ARHGAP25: variants seen among roughly 807,000 people sequenced by gnomAD.
ARHGAP25 encodes the protein Rho GTPase activating protein 25.
ARHGAP25 carries 34 observed loss-of-function variants against 71.0 expected under a neutral mutation model. The observed-to-expected ratio is 0.48, with a 90% CI of 0.36 to 0.64. The LOEUF is 0.64. Ranked by LOEUF, ARHGAP25 falls within the 30% of genes least tolerant of loss-of-function variation. The pLI is 0.00. For missense variants in ARHGAP25, 706 were observed against 805.1 expected, an observed-to-expected ratio of 0.88 and a Z score of 1.49; for synonymous variants, 282 against 296.5, an observed-to-expected ratio of 0.95 and a Z score of 0.50.
intron 1 of ARHGAP25, among the ~76,000 whole-genome samples, chr2:68,758,874 G>A (rs535835496): frequency 3.9e-5 from 6 of 151,912 alleles, no homozygotes; most frequent in Admixed American, 6.5e-5. Flanking sequence ...AGTCTCAATC[G>A]ATTTTAAAAG....
intron 1 of ARHGAP25, among the ~76,000 whole-genome samples, chr2:68,752,035 A>G (rs1466361187): frequency 1.3e-5 from 2 of 152,170 alleles, no homozygotes; most frequent in Admixed American, 6.5e-5. Flanking sequence ...CGCGACCACG[A>G]ATAGTTGATT....
upstream of ARHGAP25, among the ~76,000 whole-genome samples, chr2:68,733,843 G>A (rs879585968): frequency 1.1e-4 from 16 of 152,236 alleles, no homozygotes; most frequent in Admixed American, 9.2e-4. Context: ...AGCAGTGACT[G>A]TTCTGAGCAC....
chr2:68,721,734 G>T (rs1674767709), intron 2 of ARHGAP25, among the ~76,000 whole-genome samples: 1 of 152,218 alleles, frequency 6.6e-6, no homozygotes, highest in Non-Finnish European at 1.5e-5. Flanking sequence ...AGCAGTCCAG[G>T]TTTGTCTTAA....
chr2:68,720,530 C>A (rs956055892), intron 2 of ARHGAP25, among the ~76,000 whole-genome samples: 2 of 152,060 alleles, frequency 1.3e-5, no homozygotes, highest in Non-Finnish European at 2.9e-5. Flanking sequence ...TCTTCACCTT[C>A]CTGATTCCCA....
intron 2 of ARHGAP25, among the ~76,000 whole-genome samples, chr2:68,723,209 A>G (rs1439249340): frequency 2.0e-5 from 3 of 152,186 alleles, no homozygotes; most frequent in Non-Finnish European, 4.4e-5. Flanking sequence ...TGACAAAGGG[A>G]GTTATCCATG....
chr2:68,754,779 A>G (rs1676383159), intron 1 of ARHGAP25, among the ~76,000 whole-genome samples: 1 of 152,138 alleles, frequency 6.6e-6, no homozygotes, highest in Non-Finnish European at 1.5e-5. Flanking sequence ...TATGTTAGTT[A>G]TTCTAATATA....
intron 1 of ARHGAP25, among the ~76,000 whole-genome samples, chr2:68,739,611 G>A (rs1182254927): frequency 6.6e-6 from 1 of 152,208 alleles, no homozygotes; most frequent in Non-Finnish European, 1.5e-5. Context: ...GTCTGAACTT[G>A]TGTTAAGATA....
intron 9 of ARHGAP25, among the ~76,000 whole-genome samples, chr2:68,820,561 C>T (rs1181132704): frequency 6.6e-6 from 1 of 152,124 alleles, no homozygotes; most frequent in Non-Finnish European, 1.5e-5. Context: ...TTAGGTCTCA[C>T]TTGATCTTAG....
At position 68,819,333 on chromosome 2, in the gene ARHGAP25, A is replaced by C. The variant is rs776009822; in HGVS notation, c.1200+14A>C. 1.9e-6 allele frequency: 3 copies of C among 1,612,808 alleles called. No homozygotes were observed. In the Admixed American group the frequency reaches 5.0e-5, roughly 27 times the overall value. On this transcript the variant is annotated intron_variant, in intron 9 of 10. Coordinates refer to ENST00000409202, the MANE Select transcript of ARHGAP25 (RefSeq NM_001007231.3). The stretch of plus-strand genomic sequence containing the variant: ...TTCAGTAGCATGGTAAGGTGCAGAG[A>C]ACCTTCCTGCTTCCATTGGGTTCTT...
At chr2:68,812,774 A>C (rs1254745956) in intron 5 of ARHGAP25, among the ~76,000 whole-genome samples, 1 of 152,206 alleles carries the variant, frequency 6.6e-6, no homozygotes, top group African/African-American at 2.4e-5. Flanking sequence ...AGTGCTTGAC[A>C]AGTATCTTGC....
At chr2:68,716,033 T>C (rs1674601510) in intron 2 of ARHGAP25, among the ~76,000 whole-genome samples, 1 of 152,206 alleles carries the variant, frequency 6.6e-6, no homozygotes, top group Admixed American at 6.5e-5. Flanking sequence ...TTCATCCTTC[T>C]CTGGGCCATG....
upstream of ARHGAP25, among the ~76,000 whole-genome samples, chr2:68,734,283 G>T (rs950037142): frequency 6.6e-6 from 1 of 152,164 alleles, no homozygotes; most frequent in African/African-American, 2.4e-5. Context: ...CCCACACCAT[G>T]TATACAGCCC....
chr2:68,820,659 A>G (rs901168829), intron 9 of ARHGAP25, among the ~76,000 whole-genome samples: 9 of 152,174 alleles, frequency 5.9e-5, no homozygotes, highest in African/African-American at 2.2e-4. Context: ...AATATATAAT[A>G]TATGCACATG....
chr2:68,813,443 C>G, intron 6 of ARHGAP25, 24 bp downstream of exon 6: 1 of 1,607,308 alleles, frequency 6.2e-7, no homozygotes, highest in Non-Finnish European at 8.5e-7. Context: ...AGTTAGTTGT[C>G]CTGCCTTAGA....
intron 2 of ARHGAP25, chr2:68,775,726 T>A (rs1361985439): frequency 3.6e-6 from 2 of 553,196 alleles, no homozygotes; most frequent in Non-Finnish European, 6.9e-6. Context: ...GAGAGTGGAT[T>A]TGGGTTCAGG....
At position 68,796,788 on chromosome 2, in the gene ARHGAP25, G is replaced by T. The variant is rs561441176; in HGVS notation, c.466+8832G>T. Among the ~76,000 whole-genome samples, 17 of 152,282 alleles carry T rather than the reference G, an allele frequency of 1.1e-4. No individual in the cohort carries two copies. The South Asian group carries it at 3.5e-3, about 32-fold the overall frequency. On this transcript the variant is annotated intron_variant, in intron 4 of 10. Coordinates refer to ENST00000409202, the MANE Select transcript of ARHGAP25 (RefSeq NM_001007231.3). ...AAGTCGATTCTTGGGCCTGTGGGGGGCTTTTTTGGATGCTGATTGTAGTAG... is the reference window on the plus strand; with the variant it reads ...AAGTCGATTCTTGGGCCTGTGGGGGTCTTTTTTGGATGCTGATTGTAGTAG...
intron 9 of ARHGAP25, 29 bp downstream of exon 9, chr2:68,819,348 A>C: frequency 6.2e-7 from 1 of 1,611,222 alleles, no homozygotes; most frequent in Non-Finnish European, 8.5e-7. Context: ...TCCTGCTTCC[A>C]TTGGGTTCTT....
In ARHGAP25 at chr2:68,826,584, C is replaced by T; in HGVS notation, c.*390C>T. On this transcript the variant is annotated 3_prime_UTR_variant, in exon 11 of 11. Transcript: ENST00000409202. ...AACAGCTCACCTTGTCAGACAGCCT[C>T]AGGGCATCTCTGAGACACAGGGGCA... 1 of 341,996 alleles carries T rather than the reference C, an allele frequency of 2.9e-6. No individual in the cohort carries two copies. The highest frequency in any genetic ancestry group is 5.7e-6 in the Non-Finnish European group (1 of 175,632). The allele number at this position is 341,996 out of a possible 1,614,324, so 21.2% of individuals were successfully genotyped here.
chr2:68,798,997 G>T (rs1366678858), intron 4 of ARHGAP25, among the ~76,000 whole-genome samples: 1 of 152,154 alleles, frequency 6.6e-6, no homozygotes, highest in Non-Finnish European at 1.5e-5. Flanking sequence ...AAATGGATTG[G>T]GCTGGAGGTG....
Sources: gnomAD v4.1 joint callset for allele counts (sites outside exome capture counted in the v4.1 genomes callset) on GRCh38, gnomAD v4.1.1 for gene constraint, MANE v1.5 for transcripts, NCBI Gene and HGNC (gene_info 2026-07-23, HGNC 2026-07-21) for gene names.